Variants in KIF13B observed in about 807,000 individuals in gnomAD.
KIF13B encodes the protein kinesin family member 13B.
A neutral mutation model predicts 222.0 loss-of-function variants in KIF13B; 127 were observed. That is an observed-to-expected ratio of 0.57 (90% CI 0.50 to 0.66). The LOEUF is 0.66. Among genes scored for constraint, KIF13B ranks in the 30% least tolerant of loss-of-function variants. KIF13B has a pLI of 0.00. For synonymous variants in KIF13B, 976 were observed against 919.0 expected (o/e 1.06, Z -1.12); for missense variants, 2,173 against 2,379.0 (o/e 0.91, Z 1.80).
intron 21 of KIF13B, among the ~76,000 whole-genome samples, chr8:29,135,377 A>C (rs1810511527): frequency 1.3e-5 from 2 of 152,158 alleles, no homozygotes; most frequent in Admixed American, 1.3e-4. Flanking sequence ...TTTTTGTGAT[A>C]AACTGCAATA....
At chr8:29,168,744 C>G (rs947898695) in intron 10 of KIF13B, among the ~76,000 whole-genome samples, 11 of 152,098 alleles carry the variant, frequency 7.2e-5, no homozygotes, top group Non-Finnish European at 1.6e-4. Flanking sequence ...CCCCCCATCC[C>G]CAACACTTTA....
rs74940082 is a variant in KIF13B at position 29,196,215 on chromosome 8, A to G, written c.150-16T>C. 11,051 of 1,552,400 alleles carry G rather than the reference A, an allele frequency of 7.1e-3. 679 individuals carry two copies. In the African/African-American group the frequency reaches 0.14, roughly 19 times the overall value. On this transcript the variant is annotated splice_polypyrimidine_tract_variant and intron_variant, in intron 2 of 39. Coordinates refer to ENST00000524189, the MANE Select transcript of KIF13B (RefSeq NM_015254.4). ...CGGCTGGCCCCTGAGCTCCCAAAAC[A>G]GATGTCATCATTGACGTGAAAGAAA...
chr8:29,242,571 A>C (rs1815828533), intron 2 of KIF13B, among the ~76,000 whole-genome samples: 1 of 152,232 alleles, frequency 6.6e-6, no homozygotes, highest in Non-Finnish European at 1.5e-5. Context: ...CTAGTAGTAT[A>C]AGAAGTGCAG....
intron 2 of KIF13B, among the ~76,000 whole-genome samples, chr8:29,201,021 C>A (rs35155869): frequency 0.047 from 7,166 of 152,252 alleles, 358 homozygotes; most frequent in African/African-American, 0.12. Context: ...TTTTTACCTT[C>A]GTAACAAATA....
chr8:29,217,899 A>T (rs1436585667), intron 2 of KIF13B, among the ~76,000 whole-genome samples: 1 of 152,214 alleles, frequency 6.6e-6, no homozygotes, highest in Non-Finnish European at 1.5e-5. Context: ...AATTTTCCAT[A>T]TTAATCAGCT....
intron 7 of KIF13B, among the ~76,000 whole-genome samples, chr8:29,181,221 T>A (rs185151893): frequency 7.4e-4 from 113 of 152,320 alleles, no homozygotes; most frequent in Middle Eastern, 6.8e-3. Context: ...CCTCTCTGTG[T>A]TGACCACTGG....
intron 19 of KIF13B, among the ~76,000 whole-genome samples, chr8:29,141,484 A>G (rs1810816089): frequency 6.6e-6 from 1 of 152,256 alleles, no homozygotes; most frequent in Non-Finnish European, 1.5e-5. Context: ...ATTTTTATTG[A>G]TAACAATCTG....
intron 7 of KIF13B, among the ~76,000 whole-genome samples, chr8:29,181,230 G>A (rs1196030583): frequency 6.6e-6 from 1 of 152,162 alleles, no homozygotes; most frequent in Non-Finnish European, 1.5e-5. Context: ...GTTGACCACT[G>A]GAAGGAATCT....
intron 29 of KIF13B, among the ~76,000 whole-genome samples, chr8:29,120,988 G>T (rs1314515364): frequency 1.0e-5 from 1 of 99,916 alleles, no homozygotes; most frequent in Non-Finnish European, 2.0e-5. Context: ...CTTTTGAGAA[G>T]TGTCTGTTCA....
intron 2 of KIF13B, among the ~76,000 whole-genome samples, chr8:29,222,017 TTATTAATTAACCACTC>T (rs939201619): frequency 1.3e-5 from 2 of 152,148 alleles, no homozygotes; most frequent in African/African-American, 4.8e-5. Context: ...ATATAAATTC[TTATTAATTAACCACTC>T]TATCACTGTT....
intron 38 of KIF13B, among the ~76,000 whole-genome samples, chr8:29,072,982 T>A (rs555869967): frequency 6.6e-6 from 1 of 151,010 alleles, no homozygotes; most frequent in Admixed American, 6.6e-5. Context: ...CGGAACACAC[T>A]CAGCACAGCC....
chr8:29,246,075 A>T (rs1374616828), intron 1 of KIF13B, among the ~76,000 whole-genome samples: 2 of 152,216 alleles, frequency 1.3e-5, no homozygotes, highest in Non-Finnish European at 2.9e-5. Flanking sequence ...TACACATTGT[A>T]TACATGTATC....
At position 29,080,207 on chromosome 8, in the gene KIF13B, G is replaced by A. The variant is rs1171955815; in HGVS notation, c.4459-4864C>T. Among the ~76,000 whole-genome samples the A allele has an allele frequency of 4.0e-5, 6 of 151,248 alleles. 1 individual carries two copies. Among genetic ancestry groups the A allele is most frequent in the South Asian group, 4.2e-4 (2 of 4,786 alleles). On this transcript the variant is annotated intron_variant, in intron 37 of 39. Transcript: ENST00000524189. ...GATTAAATTAGCTGGGCGTGGTGGT[G>A]CACACCTATAGTCCGAACTACTTGG...
chr8:29,253,020 A>G (rs957506063), intron 1 of KIF13B, among the ~76,000 whole-genome samples: 2 of 152,250 alleles, frequency 1.3e-5, no homozygotes, highest in African/African-American at 4.8e-5. Flanking sequence ...TAACATGGCT[A>G]ACACAAGAAT....
intron 36 of KIF13B, among the ~76,000 whole-genome samples, chr8:29,095,886 AAAAC>A (rs1309839105): frequency 1.3e-5 from 2 of 152,234 alleles, no homozygotes; most frequent in Non-Finnish European, 2.9e-5. Context: ...TAATCTGAAA[AAAAC>A]AAAACAAAAC....
At chr8:29,262,934 C>T in intron 1 of KIF13B, 46 bp downstream of exon 1, 1 of 1,495,892 alleles carries the variant, frequency 6.7e-7, no homozygotes, top group Non-Finnish European at 9.0e-7. Context: ...GCGCGCCAGG[C>T]ACCTGCCGCC....
intron 4 of KIF13B, 21 bp from the exon 5 acceptor site, chr8:29,188,628 G>C (rs1032662176): frequency 6.5e-7 from 1 of 1,527,620 alleles, no homozygotes; most frequent in Admixed American, 1.8e-5. Flanking sequence ...GAGAATAAGA[G>C]AAAAGATATT....
At chr8:29,187,394 G>A (rs554076935) in intron 5 of KIF13B, among the ~76,000 whole-genome samples, 2 of 152,156 alleles carry the variant, frequency 1.3e-5, no homozygotes, top group African/African-American at 4.8e-5. Context: ...AACCAGGCAC[G>A]GTGGCAGGCA....
At chr8:29,213,687 G>A (rs1020382225) in intron 2 of KIF13B, among the ~76,000 whole-genome samples, 7 of 152,082 alleles carry the variant, frequency 4.6e-5, no homozygotes, top group Admixed American at 3.3e-4. Context: ...AGTGGCTCAC[G>A]CCTGTAATTC....
Sources: gnomAD v4.1 joint callset for allele counts (sites outside exome capture counted in the v4.1 genomes callset) on GRCh38, gnomAD v4.1.1 for gene constraint, MANE v1.5 for transcripts, NCBI Gene and HGNC (gene_info 2026-07-23, HGNC 2026-07-21) for gene names.